FAT1: variants seen among roughly 807,000 people sequenced by gnomAD.
The protein encoded by FAT1 is FAT atypical cadherin 1.
Under a neutral mutation model 329.8 loss-of-function variants are expected in FAT1, and 171 were observed. The ratio of observed to expected loss-of-function variants is 0.52; its 90% CI spans 0.46 to 0.59. The LOEUF is 0.59. FAT1 is among the 20% of genes least tolerant of loss of function. The pLI, the probability that FAT1 is intolerant of heterozygous loss-of-function variation, is 0.00. For synonymous variants in FAT1, 2,233 were observed against 2,228.6 expected, an observed-to-expected ratio of 1.00 and a Z score of -0.06; for missense variants, 5,672 against 5,774.4, an observed-to-expected ratio of 0.98 and a Z score of 0.57.
chr4:186,603,419 T>C lies in FAT1; in HGVS notation c.11107A>G (p.Ser3703Gly). ...DVLLFVEKPG[S>G]AQISTKQLLH... is the part of the protein sequence containing the mutation. ...AGTTGTTTTGTTGAGATCTGAGCACTACCTGGTTTCTCTACAAAAAGTAAG... is the reference window on the plus strand; with the variant it reads ...AGTTGTTTTGTTGAGATCTGAGCACCACCTGGTTTCTCTACAAAAAGTAAG... The change falls in exon 19 of 27, where the codon AGT becomes GGT. Residue 3703 changes from serine to glycine, a missense_variant. This residue lies in a region of FAT1 where 1,706 missense variants were observed against 1,859.1 expected (regional missense o/e 0.92). Coordinates refer to ENST00000441802, the MANE Select transcript of FAT1 (RefSeq NM_005245.4). The C allele has an allele frequency of 1.9e-6, 3 of 1,614,026 alleles. No homozygotes were observed. The highest frequency in any genetic ancestry group is 2.5e-6 in the Non-Finnish European group (3 of 1,179,894).
At chr4:186,638,174 C>A (rs1740922352) in intron 4 of FAT1, among the ~76,000 whole-genome samples, 1 of 152,178 alleles carries the variant, frequency 6.6e-6, no homozygotes, top group South Asian at 2.1e-4. Flanking sequence ...CAAAAGGACC[C>A]TACTGAAAAA....
chr4:186,638,376 TG>T (rs1740933980), intron 4 of FAT1, among the ~76,000 whole-genome samples: 1 of 152,222 alleles, frequency 6.6e-6, no homozygotes, highest in Non-Finnish European at 1.5e-5. Flanking sequence ...GTGTAACTAC[TG>T]CTCTCCTATC....
chr4:186,635,885 T>C, intron 6 of FAT1, 140 bp downstream of exon 6: 2 of 706,576 alleles, frequency 2.8e-6, no homozygotes, highest in Non-Finnish European at 4.7e-6. Context: ...ATCAAAATAT[T>C]ATAGTTGAAA....
Position 186,708,536 on chromosome 4 carries a change from G to C in FAT1, c.1292C>G (p.Ala431Gly), listed in dbSNP as rs754212537. 6.2e-7 allele frequency: 1 copy of C among 1,613,970 alleles called. No individual in the cohort carries two copies. Among genetic ancestry groups the C allele is most frequent in the Non-Finnish European group, 8.5e-7 (1 of 1,179,876 alleles). The change falls in exon 2 of 27, where the codon GCA becomes GGA. Residue 431 changes from alanine (A) to glycine (G), a missense_variant. This residue lies in a region of FAT1 where 3,966 missense variants were observed against 3,915.2 expected (regional missense o/e 1.01). Transcript: ENST00000441802. ...SILEPVKRQQ[A>G]AHFELEVTTS... ...TGTTACTTCAAGTTCAAAATGGGCTGCCTGCTGTCTTTTAACTGGTTCTAA... is the reference window on the plus strand; with the variant it reads ...TGTTACTTCAAGTTCAAAATGGGCTCCCTGCTGTCTTTTAACTGGTTCTAA...
At chr4:186,679,276 G>A (rs969264091) in intron 2 of FAT1, among the ~76,000 whole-genome samples, 3 of 151,972 alleles carry the variant, frequency 2.0e-5, no homozygotes, top group African/African-American at 4.8e-5. Flanking sequence ...AATTACCCGG[G>A]CGTGGTGGCG....
At chr4:186,724,932 C>G (rs1482227720), upstream of FAT1, among the ~76,000 whole-genome samples, 1 of 152,126 alleles carries the variant, frequency 6.6e-6, no homozygotes, top group Admixed American at 6.5e-5. The surrounding 1 kb of genome is among the most constrained non-coding windows in gnomAD (Gnocchi z 5.3). Flanking sequence ...AAGAGAATTT[C>G]CTGGGTTCAA....
In FAT1 at chr4:186,603,201, G is replaced by A. The variant is rs369888634; in HGVS notation, c.11325C>T (p.His3775=). The change falls in exon 19 of 27, where the codon CAC becomes CAT. Residue 3775 remains histidine (H), a synonymous_variant. Coordinates refer to ENST00000441802, the MANE Select transcript of FAT1 (RefSeq NM_005245.4). ...CTTTGCAGAGACACACCGCTGCCCT[G>A]TGGTGGCGGGGAGTCACAAAACTCA... The part of the protein sequence containing the change: ...ARLSFVTPRH[H]RAAVCLCKEG... 16 of 1,613,756 alleles carry A rather than the reference G, an allele frequency of 9.9e-6. No individual in the cohort carries two copies. In the African/African-American group the frequency reaches 2.0e-4, roughly 20 times the overall value.
intron 2 of FAT1, among the ~76,000 whole-genome samples, chr4:186,668,435 T>G (rs931873387): frequency 3.9e-5 from 6 of 152,164 alleles, no homozygotes; most frequent in African/African-American, 7.2e-5. Flanking sequence ...AACCCTCCAG[T>G]GCAACTCCCT....
chr4:186,604,838 G>A (rs1739018814), intron 17 of FAT1, among the ~76,000 whole-genome samples: 1 of 78,524 alleles, frequency 1.3e-5, no homozygotes, highest in South Asian at 3.2e-4. Context: ...GAGGGAGGAG[G>A]GGAAGCAGAC....
chr4:186,713,992 C>CT (rs958472102), intron 1 of FAT1, among the ~76,000 whole-genome samples: 3 of 151,774 alleles, frequency 2.0e-5, no homozygotes, highest in Non-Finnish European at 4.4e-5. Context: ...CAACCTGAAT[C>CT]TTTTTTTTTC....
chr4:186,653,799 C>A (rs180901954), intron 3 of FAT1, among the ~76,000 whole-genome samples: 1 of 152,168 alleles, frequency 6.6e-6, no homozygotes, highest in African/African-American at 2.4e-5. Flanking sequence ...TACAGTGACA[C>A]GGCTGAGTGG....
In FAT1 at chr4:186,588,582, G is replaced by C; in HGVS notation, c.*10C>G. ...TCACTAAAGTCAGGCACTTTGGGGG[G>C]AGTTGAGAGTCAGACTTCCGTGTGC... On this transcript the variant is annotated 3_prime_UTR_variant, in exon 27 of 27. Transcript: ENST00000441802. 3 of 1,602,456 alleles carry C rather than the reference G, an allele frequency of 1.9e-6. No individual in the cohort carries two copies. Among genetic ancestry groups the C allele is most frequent in the Non-Finnish European group, 2.6e-6 (3 of 1,174,328 alleles).
rs2126357669 is a variant in FAT1, at chr4:186,589,184, A to G, written c.13175T>C (p.Val4392Ala). 1 of 1,613,478 alleles carries G rather than the reference A, an allele frequency of 6.2e-7. No individual in the cohort carries two copies. Among genetic ancestry groups the G allele is most frequent in the Non-Finnish European group, 8.5e-7 (1 of 1,179,724 alleles). The change falls in exon 27 of 27, where the codon GTT becomes GCT. Residue 4392 changes from valine to alanine, a missense_variant. Physicochemically the swap from Val to Ala is moderately conservative, Grantham distance 64. This residue lies in a region of FAT1 where 1,706 missense variants were observed against 1,859.1 expected (regional missense o/e 0.92). Transcript: ENST00000441802. The part of the protein sequence containing the change: ...HWDTSDWMPS[V>A]PLPDIQEFPN... ...GAACTCTTGTATGTCCGGCAGAGGA[A>G]CGCTTGGCATCCAATCTGATGTATC...
In FAT1 at chr4:186,684,508, A is replaced by G. The variant is rs541731275; in HGVS notation, c.3266-20895T>C. Among the ~76,000 whole-genome samples, 3 of 152,316 alleles carry G rather than the reference A, an allele frequency of 2.0e-5. 1 individual carries two copies. Among genetic ancestry groups the G allele is most frequent in the African/African-American group, 7.2e-5 (3 of 41,570 alleles). ...TGCCTCCGCCCGAACACTGCCATGC[A>G]CAGAAAATGGAACTGACGCTCGGCC... On this transcript the variant is annotated intron_variant, in intron 2 of 26. Coordinates refer to ENST00000441802, the MANE Select transcript of FAT1 (RefSeq NM_005245.4).
intron 2 of FAT1, among the ~76,000 whole-genome samples, chr4:186,689,825 GA>G (rs1560994601): frequency 6.6e-6 from 1 of 152,138 alleles, no homozygotes; most frequent in Admixed American, 6.5e-5. Context: ...TCACCTGGGC[GA>G]TCAAGCCTTG....
rs2126447232 is a variant in FAT1, at chr4:186,606,098, G to A, written c.10322C>T (p.Ser3441Phe). The A allele has an allele frequency of 6.2e-7, 1 of 1,613,024 alleles. No individual in the cohort carries two copies. Among genetic ancestry groups the A allele is most frequent in the Non-Finnish European group, 8.5e-7 (1 of 1,179,628 alleles). Residue 3441 changes from serine (S) to phenylalanine (F), a missense_variant, in exon 17 of 27, where the codon TCC (serine) becomes TTC (phenylalanine). By Grantham distance (155) the Ser-to-Phe change is radical. This residue lies in a region of FAT1 where 1,706 missense variants were observed against 1,859.1 expected (regional missense o/e 0.92). Coordinates refer to ENST00000441802, the MANE Select transcript of FAT1 (RefSeq NM_005245.4). Reference sequence around the variant, plus strand: ...GATAATGACACTGTAGTTTCCCCTGGAGAAGACGGGCGCGTTGTCATTGAC... The same window carrying A: ...GATAATGACACTGTAGTTTCCCCTGAAGAAGACGGGCGCGTTGTCATTGAC... ...SDVNDNAPVF[S>F]RGNYSVIIQE...
intron 2 of FAT1, among the ~76,000 whole-genome samples, chr4:186,704,014 T>C (rs1744457289): frequency 6.6e-6 from 1 of 152,258 alleles, no homozygotes; most frequent in Non-Finnish European, 1.5e-5. Context: ...AAAAAATGTA[T>C]CTTGTAATGA....
At chr4:186,589,248 T>A (rs746450003) in intron 26 of FAT1, 28 bp from the exon 27 acceptor site, 1 of 1,573,392 alleles carries the variant, frequency 6.4e-7, no homozygotes, top group South Asian at 1.2e-5. Flanking sequence ...CAGATGTCAG[T>A]GTGTTTTCTC....
At chr4:186,680,595 G>C (rs1018709420) in intron 2 of FAT1, among the ~76,000 whole-genome samples, 15 of 152,194 alleles carry the variant, frequency 9.9e-5, no homozygotes, top group Non-Finnish European at 7.3e-5. Flanking sequence ...CAAGACCACC[G>C]TAAGTTCTAA....
Sources: gnomAD v4.1 joint callset for allele counts (sites outside exome capture counted in the v4.1 genomes callset) on GRCh38, gnomAD v4.1.1 for gene constraint, gnomAD v4.1.1 regional missense constraint, Gnocchi (gnomAD v3.1) non-coding constraint, MANE v1.5 for transcripts, NCBI Gene and HGNC (gene_info 2026-07-23, HGNC 2026-07-21) for gene names.